Variants in MAGI2 observed in about 807,000 individuals in gnomAD.
The protein encoded by MAGI2 is membrane-associated guanylate kinase, WW and PDZ domain-containing protein 2.
A neutral mutation model predicts 133.3 loss-of-function variants in MAGI2; 35 were observed. The ratio of observed to expected loss-of-function variants is 0.26; its 90% CI spans 0.20 to 0.35. The LOEUF is 0.35. Among genes scored for constraint, MAGI2 ranks in the 10% least tolerant of loss-of-function variants. The pLI, the probability that MAGI2 is intolerant of heterozygous loss-of-function variation, is 1.00. For missense variants in MAGI2, 1,636 were observed against 1,863.4 expected, an observed-to-expected ratio of 0.88 and a Z score of 2.25; for synonymous variants, 729 against 710.6, an observed-to-expected ratio of 1.03 and a Z score of -0.41.
chr7:78,110,000 G>A (rs1819192942), intron 20 of MAGI2, among the ~76,000 whole-genome samples: 1 of 152,106 alleles, frequency 6.6e-6, no homozygotes, highest in Non-Finnish European at 1.5e-5. Context: ...GCTCAGGCCT[G>A]AGCACGCCCC....
intron 1 of MAGI2, among the ~76,000 whole-genome samples, chr7:79,447,101 A>T (rs2129203613): frequency 6.6e-6 from 1 of 152,308 alleles, no homozygotes; most frequent in Non-Finnish European, 1.5e-5. Context: ...CTTAACACAA[A>T]TTTTAACTTT....
intron 1 of MAGI2, among the ~76,000 whole-genome samples, chr7:79,105,723 A>AT (rs1271616414): frequency 1.3e-5 from 2 of 151,784 alleles, no homozygotes; most frequent in Admixed American, 6.6e-5. Context: ...CCGACTAACC[A>AT]TTTTTTTTAG....
Position 78,821,984 on chromosome 7 carries a change from T to C in MAGI2, c.418+185106A>G, listed in dbSNP as rs572604650. Among the ~76,000 whole-genome samples the C allele has an allele frequency of 2.6e-5, 4 of 152,150 alleles. No individual in the cohort carries two copies. In the East Asian group the frequency reaches 7.7e-4, roughly 29 times the overall value. ...ATCATCTAGTTTGACAATCAAAATA[T>C]ACATTTTAAGTTGGCTGTATCCACA... On this transcript the variant is annotated intron_variant, in intron 2 of 21. Coordinates refer to ENST00000354212, the MANE Select transcript of MAGI2 (RefSeq NM_012301.4).
At chr7:78,382,350 CA>C (rs57298881) in intron 6 of MAGI2, among the ~76,000 whole-genome samples, 18,659 of 123,912 alleles carry the variant, frequency 0.15, 1,729 homozygotes, top group East Asian at 0.42. Context: ...CTCTCTTATT[CA>C]AAAAAAAAAT....
At chr7:78,535,774 C>T (rs1049903254) in intron 3 of MAGI2, among the ~76,000 whole-genome samples, 3 of 152,068 alleles carry the variant, frequency 2.0e-5, no homozygotes, top group African/African-American at 7.2e-5. Flanking sequence ...CGTTTTAAAA[C>T]CTGAGATCAG....
At chr7:78,057,935 G>C (rs976079872) in intron 21 of MAGI2, among the ~76,000 whole-genome samples, 10 of 123,238 alleles carry the variant, frequency 8.1e-5, no homozygotes, top group African/African-American at 2.8e-4. Context: ...ATTTTACTTA[G>C]AAGAGATAAT....
chr7:79,148,172 G>A (rs145295198), intron 1 of MAGI2, among the ~76,000 whole-genome samples: 45 of 152,294 alleles, frequency 3.0e-4, no homozygotes, highest in African/African-American at 8.9e-4. Context: ...ATGGGCAAAA[G>A]CTATCAATCC....
intron 21 of MAGI2, among the ~76,000 whole-genome samples, chr7:78,070,150 C>T (rs138449607): frequency 0.11 from 13,795 of 125,892 alleles, 965 homozygotes; most frequent in African/African-American, 0.16. Context: ...TATATATATA[C>T]ACACATATAT....
chr7:78,549,637 G>C (rs1318885852), intron 3 of MAGI2, among the ~76,000 whole-genome samples: 2 of 152,072 alleles, frequency 1.3e-5, no homozygotes, highest in Non-Finnish European at 2.9e-5. Context: ...TGTGTTCCTG[G>C]TGACCTTGGC....
intron 1 of MAGI2, among the ~76,000 whole-genome samples, chr7:79,338,980 T>C (rs1840691889): frequency 6.6e-6 from 1 of 152,166 alleles, no homozygotes; most frequent in Non-Finnish European, 1.5e-5. Flanking sequence ...GACATTATTG[T>C]ACTATTATTT....
chr7:78,955,773 C>CTTTCTTTCTTTT (rs1802318549), intron 2 of MAGI2, among the ~76,000 whole-genome samples: 1 of 95,428 alleles, frequency 1.0e-5, no homozygotes, highest in Non-Finnish European at 2.3e-5. Context: ...TTCTTTCTTT[C>CTTTCTTTCTTTT]TTTCTTTCTT....
chr7:79,032,959 T>C (rs1326965025), intron 1 of MAGI2, among the ~76,000 whole-genome samples: 1 of 152,032 alleles, frequency 6.6e-6, no homozygotes, highest in East Asian at 1.9e-4. Context: ...TGATGAAGAA[T>C]GGTTGTAATA....
At chr7:78,297,388 A>C (rs575810369) in intron 9 of MAGI2, among the ~76,000 whole-genome samples, 1 of 152,196 alleles carries the variant, frequency 6.6e-6, no homozygotes, top group African/African-American at 2.4e-5. Context: ...GTGGGACTGC[A>C]AACTAGTTCA....
At chr7:78,601,096 C>T (rs2150877899) in intron 3 of MAGI2, among the ~76,000 whole-genome samples, 1 of 152,258 alleles carries the variant, frequency 6.6e-6, no homozygotes, top group East Asian at 1.9e-4. Flanking sequence ...TGATTCACCC[C>T]TCTCACATTT....
At chr7:78,647,387 T>C (rs1272520741) in intron 2 of MAGI2, among the ~76,000 whole-genome samples, 1 of 152,020 alleles carries the variant, frequency 6.6e-6, no homozygotes, top group Non-Finnish European at 1.5e-5. Context: ...CACAGACATA[T>C]GAAAAAATGC....
intron 1 of MAGI2, among the ~76,000 whole-genome samples, chr7:79,313,466 C>T (rs1838453662): frequency 6.6e-6 from 1 of 152,134 alleles, no homozygotes; most frequent in Non-Finnish European, 1.5e-5. Context: ...CCCTCTCTCT[C>T]TCTCTGAGAG....
intron 1 of MAGI2, among the ~76,000 whole-genome samples, chr7:79,440,381 C>T (rs1432727522): frequency 6.6e-6 from 1 of 151,796 alleles, no homozygotes; most frequent in Non-Finnish European, 1.5e-5. Context: ...GGCTGGTTTG[C>T]TTTCTTGATT....
In MAGI2 at chr7:79,299,973, A is replaced by AC. The variant is rs201148905; in HGVS notation, c.301+153046dup. ...CCACAATGACTGGAAGCTTCCTGAGACCCCCCTAGAGGCAGCTGTCACTAT... is the reference window on the plus strand; with the variant it reads ...CCACAATGACTGGAAGCTTCCTGAGACCCCCCCTAGAGGCAGCTGTCACTAT... On this transcript the variant is annotated intron_variant, in intron 1 of 21. Coordinates refer to ENST00000354212, the MANE Select transcript of MAGI2 (RefSeq NM_012301.4). Among the ~76,000 whole-genome samples, 1,049 of 151,868 alleles carry AC rather than the reference A, an allele frequency of 6.9e-3. 7 individuals carry two copies. Among genetic ancestry groups the AC allele is most frequent in the African/African-American group, 0.024 (977 of 41,382 alleles).
At chr7:78,992,290 A>G (rs963966407) in intron 2 of MAGI2, among the ~76,000 whole-genome samples, 2 of 152,042 alleles carry the variant, frequency 1.3e-5, no homozygotes, top group African/African-American at 4.8e-5. Flanking sequence ...ATAAAGATAC[A>G]TCCCTAGAGA....
Sources: allele counts gnomAD v4.1 joint callset (sites outside exome capture counted in the v4.1 genomes callset), GRCh38; gene constraint gnomAD v4.1.1; transcripts MANE v1.5; gene names NCBI Gene and HGNC (gene_info 2026-07-23, HGNC 2026-07-21).